Variants in SCAF8 observed in about 807,000 individuals in gnomAD.
The protein encoded by SCAF8 is SR-related and CTD-associated factor 8.
Under a neutral mutation model 140.5 loss-of-function variants are expected in SCAF8, and 23 were observed. That is an observed-to-expected ratio of 0.16 (90% CI 0.12 to 0.23). The LOEUF is 0.23. Ranked by LOEUF, SCAF8 falls within the 10% of genes least tolerant of loss-of-function variation. The probability of loss-of-function intolerance (pLI) is 1.00; values close to 1 mark genes in which losing one functional copy is unlikely to be tolerated. For synonymous variants in SCAF8, 575 were observed against 528.9 expected (o/e 1.09, Z -1.20); for missense variants, 1,397 against 1,555.7 (o/e 0.90, Z 1.72).
chr6:154,767,529 CTTTTT>C (rs71021076), intron 1 of SCAF8, among the ~76,000 whole-genome samples: 10 of 91,038 alleles, frequency 1.1e-4, no homozygotes, highest in Non-Finnish European at 2.2e-4. Flanking sequence ...CTTCTGTTAT[CTTTTT>C]TTTTTTTTTT....
At chr6:154,777,177 T>C (rs1021526388) in intron 2 of SCAF8, among the ~76,000 whole-genome samples, 30 of 151,044 alleles carry the variant, frequency 2.0e-4, no homozygotes, top group African/African-American at 7.1e-4. Flanking sequence ...TGAGAGTGTG[T>C]CTCCAAGGGG....
intron 1 of SCAF8, among the ~76,000 whole-genome samples, chr6:154,771,205 G>T (rs1329555166): frequency 1.3e-5 from 2 of 152,208 alleles, no homozygotes; most frequent in Non-Finnish European, 2.9e-5. Context: ...ATGCTTCACA[G>T]GTATTATAAA....
intron 1 of SCAF8, among the ~76,000 whole-genome samples, chr6:154,747,617 A>G (rs375502800): frequency 3.0e-4 from 45 of 152,328 alleles, no homozygotes; most frequent in Middle Eastern, 3.4e-3. Context: ...CAGTAAACTT[A>G]GAAACCCGAG....
At chr6:154,796,007 C>G (rs1298739417) in intron 6 of SCAF8, among the ~76,000 whole-genome samples, 1 of 152,036 alleles carries the variant, frequency 6.6e-6, no homozygotes, top group Non-Finnish European at 1.5e-5. Flanking sequence ...GATTTTCTTT[C>G]ATTTTCCGTT....
At chr6:154,823,686 A>T (rs1420213566) in intron 16 of SCAF8, among the ~76,000 whole-genome samples, 2 of 152,202 alleles carry the variant, frequency 1.3e-5, no homozygotes, top group Non-Finnish European at 2.9e-5. Flanking sequence ...GTTGTTTCAT[A>T]CATGTTGTTA....
chr6:154,772,048 TA>T (rs373406592), intron 1 of SCAF8, among the ~76,000 whole-genome samples: 128 of 152,014 alleles, frequency 8.4e-4, no homozygotes, highest in African/African-American at 2.9e-3. Flanking sequence ...AGGAGACAAA[TA>T]TGGGGAAAAA....
At chr6:154,787,079 G>A (rs1305970070) in intron 3 of SCAF8, among the ~76,000 whole-genome samples, 1 of 152,246 alleles carries the variant, frequency 6.6e-6, no homozygotes, top group Non-Finnish European at 1.5e-5. Flanking sequence ...GGGAGGCAGG[G>A]CACGGTGGCT....
At chr6:154,822,074 A>G (rs551706291) in intron 15 of SCAF8, 27 of 415,994 alleles carry the variant, frequency 6.5e-5, no homozygotes, top group African/African-American at 5.4e-4. Flanking sequence ...TTTGTGTCTC[A>G]TGTTTCATGG....
intron 1 of SCAF8, among the ~76,000 whole-genome samples, chr6:154,735,124 CAAA>C (rs539040149): frequency 4.4e-5 from 3 of 68,656 alleles, no homozygotes; most frequent in African/African-American, 9.9e-5. Flanking sequence ...ACTCTGTCTA[CAAA>C]AAAAAAAAAA....
At chr6:154,759,668 T>TC (rs1051831590) in intron 1 of SCAF8, among the ~76,000 whole-genome samples, 2 of 149,424 alleles carry the variant, frequency 1.3e-5, no homozygotes, top group African/African-American at 4.9e-5. Flanking sequence ...ATAATAATTT[T>TC]TTTTTTTTTT....
At chr6:154,773,424 A>T (rs936352761) in intron 1 of SCAF8, among the ~76,000 whole-genome samples, 2 of 152,218 alleles carry the variant, frequency 1.3e-5, no homozygotes, top group Admixed American at 1.3e-4. Flanking sequence ...TCGAATAGAT[A>T]CATTTGTTTA....
chr6:154,821,413 A>AT (rs1778418316), intron 15 of SCAF8, among the ~76,000 whole-genome samples: 1 of 152,092 alleles, frequency 6.6e-6, no homozygotes, highest in African/African-American at 2.4e-5. Flanking sequence ...AAAGCCTCAA[A>AT]TGCTGTAAAG....
intron 1 of SCAF8, among the ~76,000 whole-genome samples, chr6:154,762,470 G>A (rs895533786): frequency 3.3e-5 from 5 of 152,010 alleles, no homozygotes; most frequent in Non-Finnish European, 7.4e-5. Context: ...CCCATTTCTG[G>A]TCTACTACAA....
chr6:154,742,262 CTT>C (rs887807004), intron 1 of SCAF8, among the ~76,000 whole-genome samples: 3 of 152,048 alleles, frequency 2.0e-5, no homozygotes, highest in African/African-American at 4.8e-5. Flanking sequence ...TATATATAAA[CTT>C]TTGTTATGTT....
chr6:154,808,316 T>C (rs1777983308), intron 10 of SCAF8, 115 bp downstream of exon 10: 6 of 1,079,242 alleles, frequency 5.6e-6, no homozygotes, highest in Non-Finnish European at 8.0e-6. Flanking sequence ...AGCTCCACTT[T>C]GTAATTGTTT....
intron 1 of SCAF8, among the ~76,000 whole-genome samples, chr6:154,770,369 TACACACAC>T (rs1226898910): frequency 6.8e-6 from 1 of 146,364 alleles, no homozygotes; most frequent in Non-Finnish European, 1.5e-5. Flanking sequence ...GAGGTTGAGG[TACACACAC>T]ACACACACAC....
chr6:154,777,901 T>G, intron 2 of SCAF8, 100 bp from the exon 3 acceptor site: 1 of 711,580 alleles, frequency 1.4e-6, no homozygotes, highest in Non-Finnish European at 2.4e-6. Context: ...AGATAATTGT[T>G]TTGATAGACC....
intron 13 of SCAF8, among the ~76,000 whole-genome samples, chr6:154,816,380 G>A (rs1303107423): frequency 6.6e-6 from 1 of 152,134 alleles, no homozygotes; most frequent in African/African-American, 2.4e-5. Context: ...CTTGATTCTT[G>A]CACTAGTTTT....
At chr6:154,770,123 G>GT in intron 1 of SCAF8, among the ~76,000 whole-genome samples, 1 of 152,248 alleles carries the variant, frequency 6.6e-6, no homozygotes, top group Non-Finnish European at 1.5e-5. Context: ...AACTTCAAGA[G>GT]TTTAATAGTT....
Sources: allele counts gnomAD v4.1 joint callset (sites outside exome capture counted in the v4.1 genomes callset), GRCh38; gene constraint gnomAD v4.1.1; transcripts MANE v1.5; gene names NCBI Gene and HGNC (gene_info 2026-07-23, HGNC 2026-07-21).